Variants in SLC37A1 observed in about 807,000 individuals in gnomAD.
The protein encoded by SLC37A1 is solute carrier family 37 member 1.
A neutral mutation model predicts 75.3 loss-of-function variants in SLC37A1; 49 were observed. The observed-to-expected ratio is 0.65, with a 90% CI of 0.52 to 0.83. The LOEUF is 0.83. Ranked by LOEUF, SLC37A1 falls within the 40% of genes least tolerant of loss-of-function variation. The pLI is 0.00. For missense variants in SLC37A1, 566 were observed against 695.0 expected, an observed-to-expected ratio of 0.81 and a Z score of 2.09; for synonymous variants, 268 against 292.1, an observed-to-expected ratio of 0.92 and a Z score of 0.84.
chr21:42,543,633 C>T, intron 8 of SLC37A1, 31 bp downstream of exon 8: 3 of 1,554,018 alleles, frequency 1.9e-6, no homozygotes, highest in Non-Finnish European at 2.6e-6. Context: ...AGACCACCCA[C>T]CAAGGGAGGC....
At chr21:42,556,667 G>A (rs2055699991) in intron 10 of SLC37A1, among the ~76,000 whole-genome samples, 3 of 152,180 alleles carry the variant, frequency 2.0e-5, no homozygotes, top group African/African-American at 7.2e-5. Context: ...TGGGGCTCTT[G>A]GGACACAGAC....
At position 42,534,778 on chromosome 21, in the gene SLC37A1, T is replaced by C. The variant is rs2055089147; in HGVS notation, c.219T>C (p.Ala73=). The C allele has an allele frequency of 1.9e-6, 3 of 1,613,928 alleles. No individual in the cohort carries two copies. Among genetic ancestry groups the C allele is most frequent in the East Asian group, 2.2e-5 (1 of 44,888 alleles). The change falls in exon 4 of 20, where the codon GCT becomes GCC. Residue 73 remains alanine (A), a synonymous_variant. Coordinates refer to ENST00000352133, the MANE Select transcript of SLC37A1 (RefSeq NM_001320537.2). ...GCCAGAACAGGAAGTCTGGGTCCGC[T>C]GCCCCCCACCAGCTCCCTGACAATG... The part of the protein sequence containing the change: ...FSSQNRKSGS[A]APHQLPDNET...
In SLC37A1 at chr21:42,569,510, ACTCCCTCGTGCCGCACTCCCTCG is replaced by A. The variant is rs1569039577; in HGVS notation, c.1423+1073_1423+1095del. Among the ~76,000 whole-genome samples, 806 of 146,226 alleles carry A rather than the reference ACTCCCTCGTGCCGCACTCCCTCG, an allele frequency of 5.5e-3. 14 individuals carry two copies. The highest frequency in any genetic ancestry group is 0.019 in the African/African-American group (770 of 40,750). ...CTCGTGCCGCACTCCCTCGTGCCGC[ACTCCCTCGTGCCGCACTCCCTCG>A]TGCCGCACTCCCTCGTGCCGCACTC... On this transcript the variant is annotated intron_variant, in intron 17 of 19. Transcript: ENST00000352133.
chr21:42,569,458 G>C (rs1384703279), intron 17 of SLC37A1, among the ~76,000 whole-genome samples: 1 of 151,998 alleles, frequency 6.6e-6, no homozygotes, highest in Non-Finnish European at 1.5e-5. Flanking sequence ...GTCACACCCC[G>C]TGCCTGGGAA....
intron 2 of SLC37A1, chr21:42,502,525 C>G (rs963454968): frequency 6.6e-6 from 1 of 152,164 alleles, no homozygotes; most frequent in Admixed American, 6.5e-5. Flanking sequence ...AAGCATTTTT[C>G]CCCAAATGTT....
At chr21:42,520,539 G>T (rs2054623113) in intron 2 of SLC37A1, among the ~76,000 whole-genome samples, 2 of 152,212 alleles carry the variant, frequency 1.3e-5, no homozygotes, top group South Asian at 4.1e-4. Flanking sequence ...ATAGGCATGG[G>T]AAGAGGGAGG....
chr21:42,568,239 T>C (rs375388457), intron 16 of SLC37A1, 121 bp from the exon 17 acceptor site: 3 of 774,576 alleles, frequency 3.9e-6, no homozygotes, highest in Non-Finnish European at 6.6e-6. Context: ...GTTTAAATAA[T>C]GGGAAACACC....
chr21:42,576,410 G>GTGA (rs141952933), intron 18 of SLC37A1, among the ~76,000 whole-genome samples: 107,452 of 151,644 alleles, frequency 0.71, 38,825 homozygotes, highest in Admixed American at 0.78. Flanking sequence ...TCCTTAGGCA[G>GTGA]TAATACAGAA....
At chr21:42,574,949 G>A (rs2056274301) in intron 18 of SLC37A1, 34 bp downstream of exon 18, 12 of 1,612,886 alleles carry the variant, frequency 7.4e-6, no homozygotes, top group Non-Finnish European at 1.0e-5. Context: ...AATCCACCTT[G>A]AATGCAGATC....
intron 2 of SLC37A1, among the ~76,000 whole-genome samples, chr21:42,522,720 C>T (rs116479638): frequency 0.011 from 1,738 of 152,296 alleles, 29 homozygotes; most frequent in African/African-American, 0.039. Context: ...GTAAATGGAC[C>T]CTTCACCCAA....
intron 6 of SLC37A1, among the ~76,000 whole-genome samples, chr21:42,541,526 A>G (rs2146877463): frequency 6.6e-6 from 1 of 152,344 alleles, no homozygotes; most frequent in Non-Finnish European, 1.5e-5. Flanking sequence ...ACATTCCCCA[A>G]GTCCCTTCAT....
intron 3 of SLC37A1, among the ~76,000 whole-genome samples, chr21:42,531,183 C>T (rs1401251791): frequency 1.3e-5 from 2 of 152,130 alleles, no homozygotes; most frequent in South Asian, 2.1e-4. Context: ...CCACCGCCTT[C>T]CCCGCACACT....
At chr21:42,516,348 C>T (rs1488850945) in intron 1 of SLC37A1, among the ~76,000 whole-genome samples, 8 of 152,144 alleles carry the variant, frequency 5.3e-5, no homozygotes, top group Admixed American at 3.3e-4. Context: ...CTGACCCAGG[C>T]GAGCCGCCTA....
chr21:42,505,492 G>A (rs1305837109), intron 2 of SLC37A1, among the ~76,000 whole-genome samples: 1 of 152,146 alleles, frequency 6.6e-6, no homozygotes. Context: ...TATCCTCCAG[G>A]TGACTGTGTC....
rs2056049748 is a variant in SLC37A1, at chr21:42,568,838, G to A, written c.1423+400G>A. ...TACCAGCATCGTCGAAGCTCTTGAA[G>A]AGAATTCAGTGGCATATTCTGGAAT... is the stretch of plus-strand genomic sequence containing the variant. On this transcript the variant is annotated intron_variant, in intron 17 of 19. Coordinates refer to ENST00000352133, the MANE Select transcript of SLC37A1 (RefSeq NM_001320537.2). Among the ~76,000 whole-genome samples, 2 of 152,242 alleles carry A rather than the reference G, an allele frequency of 1.3e-5. 1 individual carries two copies. The highest frequency in any genetic ancestry group is 4.1e-4 in the South Asian group (2 of 4,836).
chr21:42,554,970 G>C (rs2055647733), intron 10 of SLC37A1, among the ~76,000 whole-genome samples: 1 of 137,186 alleles, frequency 7.3e-6, no homozygotes, highest in Non-Finnish European at 1.5e-5. Context: ...TTGTTTGTTT[G>C]GTTGGTTGGT....
intron 2 of SLC37A1, among the ~76,000 whole-genome samples, chr21:42,520,984 T>C (rs910319977): frequency 2.6e-5 from 4 of 152,172 alleles, no homozygotes; most frequent in African/African-American, 9.7e-5. Context: ...CCTACTGATA[T>C]AACTAAAGAA....
rs1160145238 is a variant in SLC37A1 at position 42,534,767 on chromosome 21, T to A, written c.208T>A (p.Ser70Thr). The A allele has an allele frequency of 1.2e-6, 2 of 1,613,806 alleles. No homozygotes were observed. The highest frequency in any genetic ancestry group is 2.7e-5 in the African/African-American group (2 of 74,892). Residue 70 changes from serine (S) to threonine (T), a missense_variant, in exon 4 of 20, where the codon TCT becomes ACT. Ser to Thr is a moderately conservative substitution (Grantham distance 58, BLOSUM62 1). Coordinates refer to ENST00000352133, the MANE Select transcript of SLC37A1 (RefSeq NM_001320537.2). ...CAGGTTCAGCAGCCAGAACAGGAAGTCTGGGTCCGCTGCCCCCCACCAGCT... is the reference window on the plus strand; with the variant it reads ...CAGGTTCAGCAGCCAGAACAGGAAGACTGGGTCCGCTGCCCCCCACCAGCT... ...DVRFSSQNRK[S>T]GSAAPHQLPD...
At chr21:42,521,318 T>C (rs1292785679) in intron 2 of SLC37A1, among the ~76,000 whole-genome samples, 2 of 152,214 alleles carry the variant, frequency 1.3e-5, no homozygotes, top group African/African-American at 4.8e-5. Flanking sequence ...CTTCTCTGTC[T>C]CAGAAAACAT....
Sources: allele counts gnomAD v4.1 joint callset (sites outside exome capture counted in the v4.1 genomes callset), GRCh38; gene constraint gnomAD v4.1.1; transcripts MANE v1.5; gene names NCBI Gene and HGNC (gene_info 2026-07-23, HGNC 2026-07-21).